The following OSBPL10 variants were observed in gnomAD, a reference collection of about 807,000 sequenced individuals.
OSBPL10 encodes the protein oxysterol binding protein like 10.
In OSBPL10, 49 loss-of-function variants were observed where a neutral mutation model predicts 81.7. That is an observed-to-expected ratio of 0.60 (90% CI 0.48 to 0.76). OSBPL10 has a LOEUF of 0.76. Among genes scored for constraint, OSBPL10 ranks in the 30% least tolerant of loss-of-function variants. OSBPL10 has a pLI of 0.00. For missense variants in OSBPL10, 923 were observed against 987.8 expected, an observed-to-expected ratio of 0.93 and a Z score of 0.88; for synonymous variants, 419 against 383.6, an observed-to-expected ratio of 1.09 and a Z score of -1.08.
chr3:31,963,594 G>A (rs1698230421), intron 1 of OSBPL10, among the ~76,000 whole-genome samples: 1 of 152,068 alleles, frequency 6.6e-6, no homozygotes, highest in African/African-American at 2.4e-5. Flanking sequence ...AGAGGCGCCT[G>A]GCTTGCTCCC....
intron 1 of OSBPL10, among the ~76,000 whole-genome samples, chr3:31,899,808 C>T (rs1207500683): frequency 6.6e-6 from 1 of 152,004 alleles, no homozygotes; most frequent in Non-Finnish European, 1.5e-5. Context: ...GAGTGAGACC[C>T]CACCTCTACA....
chr3:31,718,824 G>C (rs997263548), intron 6 of OSBPL10: 4 of 152,136 alleles, frequency 2.6e-5, no homozygotes, highest in African/African-American at 9.7e-5. Flanking sequence ...TCAGACCCGG[G>C]ATGGGGACGG....
At chr3:31,771,193 A>T (rs1698371413) in intron 4 of OSBPL10, among the ~76,000 whole-genome samples, 1 of 152,230 alleles carries the variant, frequency 6.6e-6, no homozygotes, top group African/African-American at 2.4e-5. Flanking sequence ...CTGAAGGTTA[A>T]ATGAGATTAC....
At position 31,980,870 on chromosome 3, in the gene OSBPL10, C is replaced by T. The variant is rs755182840; in HGVS notation, c.281+29G>A. On this transcript the variant is annotated intron_variant, in intron 1 of 11. Transcript: ENST00000396556. ...ACACACACACACACACACAGCGGCG[C>T]GCGGTGGCGCGGGCGGCTGGCGCGT... 12 of 1,540,220 alleles carry T rather than the reference C, an allele frequency of 7.8e-6. No individual in the cohort carries two copies. In the African/African-American group the frequency reaches 1.3e-4, roughly 16 times the overall value.
At chr3:31,786,198 A>T (rs1698854892) in intron 4 of OSBPL10, among the ~76,000 whole-genome samples, 1 of 152,126 alleles carries the variant, frequency 6.6e-6, no homozygotes, top group Non-Finnish European at 1.5e-5. Flanking sequence ...GAACGGGGAA[A>T]TTGGTCTCTC....
intron 1 of OSBPL10, among the ~76,000 whole-genome samples, chr3:31,980,007 TTTATTTA>T (rs1698787128): frequency 6.6e-6 from 1 of 150,654 alleles, no homozygotes; most frequent in Non-Finnish European, 1.5e-5. Context: ...TTTTATTTTA[TTTATTTA>T]TTTTTTTTGA....
intron 4 of OSBPL10, among the ~76,000 whole-genome samples, chr3:31,784,565 T>C (rs1371926611): frequency 1.3e-5 from 2 of 152,120 alleles, no homozygotes; most frequent in Admixed American, 1.3e-4. Context: ...ACCACTTAAA[T>C]GACAATAGCA....
chr3:31,725,075 A>G (rs923089706), intron 6 of OSBPL10, among the ~76,000 whole-genome samples: 1 of 152,214 alleles, frequency 6.6e-6, no homozygotes. Context: ...TAATCTCATG[A>G]ATACAGAATA....
intron 7 of OSBPL10, among the ~76,000 whole-genome samples, chr3:31,685,823 C>T (rs2125553514): frequency 6.6e-6 from 1 of 152,256 alleles, no homozygotes; most frequent in South Asian, 2.1e-4. Context: ...CTGCAAATGA[C>T]TTGGATGTGA....
chr3:32,008,761 A>G (rs1426114497), intron 2 of OSBPL10, among the ~76,000 whole-genome samples: 3 of 59,436 alleles, frequency 5.0e-5, no homozygotes, highest in South Asian at 9.5e-4. Context: ...TCCTGACTGG[A>G]AAAAAAAAAA....
At chr3:31,864,376 G>T (rs1701125518) in intron 3 of OSBPL10, among the ~76,000 whole-genome samples, 1 of 152,156 alleles carries the variant, frequency 6.6e-6, no homozygotes, top group East Asian at 1.9e-4. Context: ...TGAGTAGCTG[G>T]TATGACAGAC....
chr3:31,946,904 G>C lies in OSBPL10; in HGVS notation c.281+33995C>G, dbSNP rs185470547. On this transcript the variant is annotated intron_variant, in intron 1 of 11. Coordinates refer to ENST00000396556, the MANE Select transcript of OSBPL10 (RefSeq NM_017784.5). Reference sequence around the variant, plus strand: ...AGGCCTTAAGAAGATGATCGTGGGAGTCCAGACCAGATGCAAGGAGCATCG... The same window carrying C: ...AGGCCTTAAGAAGATGATCGTGGGACTCCAGACCAGATGCAAGGAGCATCG... 1.7e-4 allele frequency among the ~76,000 whole-genome samples: 26 copies of C among 152,280 alleles called. No individual in the cohort carries two copies. In the East Asian group the frequency reaches 4.4e-3, roughly 26 times the overall value.
chr3:31,778,594 TGAGA>T (rs574427417), intron 4 of OSBPL10, among the ~76,000 whole-genome samples: 1 of 152,094 alleles, frequency 6.6e-6, no homozygotes, highest in Non-Finnish European at 1.5e-5. Context: ...CTGGTGTTCC[TGAGA>T]AAGAACAAAA....
In OSBPL10 at chr3:31,876,640, C is replaced by A. The variant is rs1201110361; in HGVS notation, c.458-128G>T. 4 of 713,608 alleles carry A rather than the reference C, an allele frequency of 5.6e-6. No individual in the cohort carries two copies. In the Admixed American group the frequency reaches 8.6e-5, roughly 15 times the overall value. The allele number at this position is 713,608 out of a possible 1,614,324, so 44.2% of individuals were successfully genotyped here. A position where few individuals can be genotyped will look rare whatever the true frequency, so the allele number is the denominator to read the frequency against. On this transcript the variant is annotated intron_variant, in intron 2 of 11. Coordinates refer to ENST00000396556, the MANE Select transcript of OSBPL10 (RefSeq NM_017784.5). Reference sequence around the variant, plus strand: ...GAGAGGTAGCAAGAAGGTGGGGAAGCAAGCACAGATCACAACGTTCTCAAG... The same window carrying A: ...GAGAGGTAGCAAGAAGGTGGGGAAGAAAGCACAGATCACAACGTTCTCAAG...
At chr3:31,696,445 T>C (rs535144371) in intron 7 of OSBPL10, among the ~76,000 whole-genome samples, 118 of 152,392 alleles carry the variant, frequency 7.7e-4, no homozygotes, top group African/African-American at 2.7e-3. Flanking sequence ...CCACATTTTT[T>C]CCCATTCTCC....
chr3:31,808,538 C>G lies in OSBPL10; in HGVS notation c.729+21502G>C, dbSNP rs1255715363. 3.3e-5 allele frequency among the ~76,000 whole-genome samples: 5 copies of G among 152,216 alleles called. No homozygotes were observed. In the East Asian group the frequency reaches 9.6e-4, roughly 29 times the overall value. ...GTGGACTGAGAGGGCAAATCAATCA[C>G]TAGGCTTGCTCTGAAGTCCCCAGGC... On this transcript the variant is annotated intron_variant, in intron 4 of 11. Transcript: ENST00000396556.
At chr3:31,807,666 A>G (rs1209966495) in intron 4 of OSBPL10, among the ~76,000 whole-genome samples, 1 of 152,044 alleles carries the variant, frequency 6.6e-6, no homozygotes, top group Non-Finnish European at 1.5e-5. Context: ...TGAGTCCAGA[A>G]GTTCGAGGCT....
chr3:32,056,815 G>A (rs141328546), intron 1 of OSBPL10, among the ~76,000 whole-genome samples: 1 of 152,306 alleles, frequency 6.6e-6, no homozygotes, highest in African/African-American at 2.4e-5. Flanking sequence ...CTACTGGGCT[G>A]CATTCCCAGA....
chr3:31,981,454 G>A, upstream of OSBPL10: 1 of 437,838 alleles, frequency 2.3e-6, no homozygotes, highest in African/African-American at 2.1e-5. This position sits in a 1 kb window ranked among gnomAD's most constrained non-coding sequence, Gnocchi z 4.5. Flanking sequence ...AGTTCGGAGC[G>A]GGTGGCCGGC....
Sources: allele counts gnomAD v4.1 joint callset (sites outside exome capture counted in the v4.1 genomes callset), GRCh38; gene constraint gnomAD v4.1.1; non-coding constraint Gnocchi (gnomAD v3.1); transcripts MANE v1.5; gene names NCBI Gene and HGNC (gene_info 2026-07-23, HGNC 2026-07-21).